The following LTBP1 variants were observed in gnomAD, a reference collection of about 807,000 sequenced individuals.
The protein encoded by LTBP1 is latent-transforming growth factor beta-binding protein 1.
Under a neutral mutation model 207.6 loss-of-function variants are expected in LTBP1, and 129 were observed. The observed-to-expected ratio is 0.62, with a 90% CI of 0.54 to 0.72. LTBP1 has a LOEUF of 0.72. LTBP1 is among the 30% of genes least tolerant of loss of function. The pLI is 0.00. For synonymous variants in LTBP1, 963 were observed against 833.7 expected (o/e 1.16, Z -2.67); for missense variants, 2,281 against 2,217.2 (o/e 1.03, Z -0.58).
chr2:33,160,173 C>T (rs1289525394), intron 5 of LTBP1, among the ~76,000 whole-genome samples: 1 of 152,194 alleles, frequency 6.6e-6, no homozygotes, highest in Non-Finnish European at 1.5e-5. Flanking sequence ...GCCACCGCGC[C>T]TGGCCTCAAA....
intron 4 of LTBP1, among the ~76,000 whole-genome samples, chr2:33,113,419 T>G (rs759524751): frequency 6.6e-6 from 1 of 152,138 alleles, no homozygotes; most frequent in Non-Finnish European, 1.5e-5. Flanking sequence ...GGTGATGGAT[T>G]TAGTAGAGTA....
chr2:33,369,366 T>C (rs1048855334), intron 31 of LTBP1, among the ~76,000 whole-genome samples: 5 of 152,178 alleles, frequency 3.3e-5, no homozygotes, highest in African/African-American at 1.2e-4. Context: ...TTTTGTTAAC[T>C]GTATTGTAAT....
rs1195933005 is a variant in LTBP1, at chr2:33,350,481, C to G, written c.4000+2971C>G. 2.0e-5 allele frequency among the ~76,000 whole-genome samples: 3 copies of G among 152,212 alleles called. No individual in the cohort carries two copies. The South Asian group carries it at 6.2e-4, about 31-fold the overall frequency. On this transcript the variant is annotated intron_variant, in intron 26 of 33. Coordinates refer to ENST00000404816, the MANE Select transcript of LTBP1 (RefSeq NM_206943.4). Reference sequence around the variant, plus strand: ...CATCCAAGAACAGGTGGGATACCCACTGGCAGAAGAGCACCCACTTCCAGC... The same window carrying G: ...CATCCAAGAACAGGTGGGATACCCAGTGGCAGAAGAGCACCCACTTCCAGC...
chr2:33,233,602 C>A (rs1217355176), intron 9 of LTBP1, among the ~76,000 whole-genome samples: 1 of 152,018 alleles, frequency 6.6e-6, no homozygotes, highest in Non-Finnish European at 1.5e-5. Flanking sequence ...TATTTTCATC[C>A]TCCCCACCCT....
At chr2:33,148,611 A>G (rs1378583921) in intron 5 of LTBP1, among the ~76,000 whole-genome samples, 1 of 152,098 alleles carries the variant, frequency 6.6e-6, no homozygotes, top group Non-Finnish European at 1.5e-5. Context: ...ACTAATACCT[A>G]GCTTCTTTCT....
At chr2:33,118,763 C>T (rs1297633247) in intron 4 of LTBP1, among the ~76,000 whole-genome samples, 2 of 152,126 alleles carry the variant, frequency 1.3e-5, no homozygotes, top group African/African-American at 4.8e-5. Context: ...TTGCCATGCA[C>T]GTTATCCTGG....
chr2:33,267,768 A>G (rs961868956), intron 15 of LTBP1, among the ~76,000 whole-genome samples: 1 of 152,228 alleles, frequency 6.6e-6, no homozygotes, highest in East Asian at 1.9e-4. Flanking sequence ...GGTTAAGTTC[A>G]GTTAGGTAAA....
At chr2:33,088,273 G>A (rs564440468) in intron 3 of LTBP1, among the ~76,000 whole-genome samples, 22 of 152,280 alleles carry the variant, frequency 1.4e-4, no homozygotes, top group Non-Finnish European at 2.5e-4. Context: ...CCAACATGGC[G>A]AAACCCCATT....
At chr2:33,353,344 T>G (rs1390531871) in intron 26 of LTBP1, among the ~76,000 whole-genome samples, 1 of 152,148 alleles carries the variant, frequency 6.6e-6, no homozygotes, top group Non-Finnish European at 1.5e-5. Context: ...GTCACCGAGT[T>G]GTCACACATT....
Position 33,398,378 on chromosome 2 carries a change from G to T in LTBP1, c.4999G>T (p.Asp1667Tyr). The change falls in exon 34 of 34, where the codon GAT becomes TAT. Residue 1667 changes from aspartate (D) to tyrosine (Y), a missense_variant. Around this residue, in one of 3 missense-constraint regions of LTBP1, gnomAD observed 1,671 missense variants for 1,634.8 expected, o/e 1.02. Coordinates refer to ENST00000404816, the MANE Select transcript of LTBP1 (RefSeq NM_206943.4). ...KMTCVDVNEC[D>Y]ELNNRMSLCK... The stretch of plus-strand genomic sequence containing the variant: ...ACTTATTGCAGATGTAAATGAATGC[G>T]ATGAGTTGAACAACCGGATGTCTCT... 6.2e-7 allele frequency: 1 copy of T among 1,613,666 alleles called. No homozygotes were observed. The highest frequency in any genetic ancestry group is 2.2e-5 in the East Asian group (1 of 44,874).
intron 5 of LTBP1, among the ~76,000 whole-genome samples, chr2:33,138,402 A>G (rs1026030004): frequency 6.6e-6 from 1 of 152,062 alleles, no homozygotes; most frequent in Non-Finnish European, 1.5e-5. Flanking sequence ...CAGAATAGTT[A>G]CTTTAAATGG....
Position 33,263,300 on chromosome 2 carries a change from T to C in LTBP1, c.2525T>C (p.Ile842Thr), listed in dbSNP as rs2093072594. The C allele has an allele frequency of 6.2e-7, 1 of 1,609,986 alleles. No individual in the cohort carries two copies. Among genetic ancestry groups the C allele is most frequent in the Non-Finnish European group, 8.5e-7 (1 of 1,176,232 alleles). The change falls in exon 15 of 34, where the codon ATT becomes ACT. Residue 842 changes from isoleucine (I) to threonine (T), a missense_variant. By Grantham distance (89) the Ile-to-Thr change is moderately conservative. This residue lies in a region of LTBP1 where 1,671 missense variants were observed against 1,634.8 expected (regional missense o/e 1.02). Coordinates refer to ENST00000404816, the MANE Select transcript of LTBP1 (RefSeq NM_206943.4). ...CCTCTGCTTCCTCATATAGTAGTGA[T>C]TGAAAAAACATCACCTCCTGTGCCT... ...IHLHPQFPVVIEKTSPPVPVE... is the reference protein window; with the variant it reads ...IHLHPQFPVVTEKTSPPVPVE...
intron 20 of LTBP1, among the ~76,000 whole-genome samples, chr2:33,295,397 T>G (rs570512514): frequency 2.1e-4 from 32 of 152,120 alleles, no homozygotes; most frequent in African/African-American, 7.0e-4. Context: ...CTTGGTGGCA[T>G]GCGCATGTAA....
At chr2:33,376,284 C>T (rs1007447149) in intron 31 of LTBP1, among the ~76,000 whole-genome samples, 1 of 152,208 alleles carries the variant, frequency 6.6e-6, no homozygotes, top group South Asian at 2.1e-4. Flanking sequence ...CAAGGCCTGT[C>T]AGGTTCTCTG....
At chr2:33,186,383 T>C (rs1283382304) in intron 5 of LTBP1, among the ~76,000 whole-genome samples, 1 of 152,206 alleles carries the variant, frequency 6.6e-6, no homozygotes, top group Non-Finnish European at 1.5e-5. Context: ...TTATTTAATC[T>C]CCATTGTATG....
In LTBP1 at chr2:33,300,525, A is replaced by C. The variant is rs74990388; in HGVS notation, c.3310A>C (p.Thr1104Pro). The change falls in exon 21 of 34, where the codon ACC (threonine) becomes CCC (proline). Residue 1104 changes from threonine to proline, a missense_variant. By Grantham distance (38) the Thr-to-Pro change is conservative. Coordinates refer to ENST00000404816, the MANE Select transcript of LTBP1 (RefSeq NM_206943.4). ...CKNTEGSFRCTCGQGYQLSAA... is the reference protein window; with the variant it reads ...CKNTEGSFRCPCGQGYQLSAA... ...AAATACCGAGGGCTCCTTCAGGTGC[A>C]CCTGTGGACAGGGGTACCAGCTGTC... 1.9e-6 allele frequency: 3 copies of C among 1,613,658 alleles called. No individual in the cohort carries two copies. The highest frequency in any genetic ancestry group is 2.5e-6 in the Non-Finnish European group (3 of 1,179,736).
At chr2:33,212,365 G>A (rs2090375348) in intron 7 of LTBP1, among the ~76,000 whole-genome samples, 2 of 152,196 alleles carry the variant, frequency 1.3e-5, no homozygotes, top group Non-Finnish European at 1.5e-5. Flanking sequence ...AATGAGGGAG[G>A]AGGAGATAAG....
intron 2 of LTBP1, among the ~76,000 whole-genome samples, chr2:33,010,730 T>A (rs1404805136): frequency 6.6e-6 from 1 of 151,288 alleles, no homozygotes; most frequent in African/African-American, 2.4e-5. Context: ...CCTTTTTTTT[T>A]TTTTTTTTGA....
intron 19 of LTBP1, among the ~76,000 whole-genome samples, chr2:33,284,906 A>G (rs146165323): frequency 6.7e-4 from 102 of 152,258 alleles, no homozygotes; most frequent in Middle Eastern, 6.8e-3. Flanking sequence ...CATCTGACAT[A>G]TGGTGGAACC....
Sources: allele counts gnomAD v4.1 joint callset (sites outside exome capture counted in the v4.1 genomes callset), GRCh38; gene constraint gnomAD v4.1.1; regional missense constraint gnomAD v4.1.1; transcripts MANE v1.5; gene names NCBI Gene and HGNC (gene_info 2026-07-23, HGNC 2026-07-21).